Variants in WDR89 observed in about 807,000 individuals in gnomAD.
WDR89 encodes the protein WD repeat-containing protein 89.
A neutral mutation model predicts 29.1 loss-of-function variants in WDR89; 17 were observed. The ratio of observed to expected loss-of-function variants is 0.58; its 90% confidence interval spans 0.40 to 0.88. The LOEUF (loss-of-function observed/expected upper bound fraction) is 0.88, where lower values mean the gene tolerates loss of function less well. Among genes scored for constraint, WDR89 ranks in the 40% least tolerant of loss-of-function variants. The pLI, the probability that WDR89 is intolerant of heterozygous loss-of-function variation, is 0.00. For synonymous variants in WDR89, 138 were observed against 157.8 expected (o/e 0.87, Z 0.94); for missense variants, 396 against 456.3 (o/e 0.87, Z 1.20).
chr14:63,622,794 C>A (rs1417969658), intron 2 of WDR89, among the ~76,000 whole-genome samples: 1 of 152,036 alleles, frequency 6.6e-6, no homozygotes, highest in Non-Finnish European at 1.5e-5. Flanking sequence ...AAATAAAATG[C>A]ATGACAATAA....
At chr14:63,618,681 A>G (rs1311117003) in intron 2 of WDR89, among the ~76,000 whole-genome samples, 1 of 152,172 alleles carries the variant, frequency 6.6e-6, no homozygotes, top group African/African-American at 2.4e-5. Context: ...GAAAAATAGA[A>G]AAGAAAAAAA....
chr14:63,605,324 C>T (rs1050802850), intron 2 of WDR89, among the ~76,000 whole-genome samples: 1 of 151,716 alleles, frequency 6.6e-6, no homozygotes, highest in South Asian at 2.1e-4. Context: ...TGTGGTGATG[C>T]GTGTATAAAC....
In WDR89 at chr14:63,605,152, G is replaced by GTC. The variant is rs746030363; in HGVS notation, c.-31-5181_-31-5180dup. Among the ~76,000 whole-genome samples, 632 of 137,838 alleles carry GTC rather than the reference G, an allele frequency of 4.6e-3. 5 individuals are homozygous for GTC. Among genetic ancestry groups the GTC allele is most frequent in the African/African-American group, 0.014 (459 of 32,174 alleles). 90.4% of individuals were successfully genotyped at this position (137,838 alleles called of 152,430 possible). A position where few individuals can be genotyped will look rare whatever the true frequency, so the allele number is the denominator to read the frequency against. On this transcript the variant is annotated intron_variant, in intron 2 of 2. Coordinates refer to ENST00000620954, the MANE Select transcript of WDR89 (RefSeq NM_080666.4). ...CGACAGAGCAAGACACGTGCTGTCT[G>GTC]TCTCTCTCTCTCTCTATATATATAT...
intron 2 of WDR89, among the ~76,000 whole-genome samples, chr14:63,609,094 G>C (rs1473753525): frequency 6.6e-6 from 1 of 150,574 alleles, no homozygotes. Flanking sequence ...CCTGGCAACA[G>C]AGCAAAACTC....
intron 2 of WDR89, among the ~76,000 whole-genome samples, chr14:63,619,055 A>T (rs919065610): frequency 5.3e-5 from 8 of 152,156 alleles, no homozygotes; most frequent in Non-Finnish European, 1.0e-4. Context: ...AAAATCATGG[A>T]GCGAATGCCT....
chr14:63,627,123 A>AAC (rs756971522), intron 1 of WDR89, among the ~76,000 whole-genome samples: 1,272 of 122,780 alleles, frequency 0.01, 3 homozygotes, highest in African/African-American at 0.016. Flanking sequence ...TTTGTCTCTA[A>AAC]ACACACACAC....
chr14:63,610,051 T>G (rs1881854483), intron 2 of WDR89, among the ~76,000 whole-genome samples: 1 of 150,878 alleles, frequency 6.6e-6, no homozygotes, highest in Admixed American at 6.6e-5. Context: ...AAAACAATCT[T>G]AACAACAAAA....
chr14:63,598,751 C>T lies in WDR89; in HGVS notation c.*28G>A, dbSNP rs377364984. 4 of 1,534,488 alleles carry T rather than the reference C, an allele frequency of 2.6e-6. No individual in the cohort carries two copies. The highest frequency in any genetic ancestry group is 3.5e-6 in the Non-Finnish European group (4 of 1,143,102). On this transcript the variant is annotated 3_prime_UTR_variant, in exon 3 of 3. Transcript: ENST00000620954. ...AGAAGGACTATTTGAAACTATAAAA[C>T]CTACCAAACAAAGTGCCAAATGCAT...
At chr14:63,625,394 A>G (rs1882969751) in intron 1 of WDR89, among the ~76,000 whole-genome samples, 1 of 126,796 alleles carries the variant, frequency 7.9e-6, no homozygotes, top group South Asian at 2.5e-4. Flanking sequence ...GTATTCATCA[A>G]ACTACATACT....
At chr14:63,618,615 C>G (rs1882468679) in intron 2 of WDR89, among the ~76,000 whole-genome samples, 1 of 151,922 alleles carries the variant, frequency 6.6e-6, no homozygotes. Flanking sequence ...AGAATGAAAT[C>G]AGAGGATTGA....
intron 2 of WDR89, among the ~76,000 whole-genome samples, chr14:63,610,749 C>T (rs1426151090): frequency 6.9e-6 from 1 of 145,672 alleles, no homozygotes; most frequent in Non-Finnish European, 1.5e-5. Context: ...GTCACCCAGG[C>T]TGGAGTGCAG....
At chr14:63,629,831 C>T (rs1312400972) in intron 1 of WDR89, among the ~76,000 whole-genome samples, 1 of 152,124 alleles carries the variant, frequency 6.6e-6, no homozygotes, top group Non-Finnish European at 1.5e-5. Context: ...CAGTGTGTTA[C>T]AGGGAATGAC....
At chr14:63,610,702 CTTTTTTT>C (rs1009799974) in intron 2 of WDR89, among the ~76,000 whole-genome samples, 1 of 129,146 alleles carries the variant, frequency 7.7e-6, no homozygotes, top group Non-Finnish European at 1.7e-5. Flanking sequence ...CTTTTCTTTT[CTTTTTTT>C]TTTTTTTTTT....
In WDR89 at chr14:63,625,036, A is replaced by T. The variant is rs1158309537; in HGVS notation, c.-137-3T>A. The T allele has an allele frequency of 1.3e-5, 2 of 152,224 alleles. No individual in the cohort carries two copies. The highest frequency in any genetic ancestry group is 2.9e-5 in the Non-Finnish European group (2 of 68,044). 9.4% of individuals were successfully genotyped at this position (152,224 alleles called of 1,614,324 possible). A position where few individuals can be genotyped will look rare whatever the true frequency, so the allele number is the denominator to read the frequency against. ...TTTTATTTATAATAGCCAAATACCT[A>T]GAAAAAAACAGAAATACGGGTAAGC... On this transcript the variant is annotated splice_polypyrimidine_tract_variant and splice_region_variant and intron_variant, in intron 1 of 2. Coordinates refer to ENST00000620954, the MANE Select transcript of WDR89 (RefSeq NM_080666.4).
intron 1 of WDR89, among the ~76,000 whole-genome samples, chr14:63,634,208 G>A (rs972154420): frequency 3.3e-5 from 5 of 152,244 alleles, no homozygotes; most frequent in Admixed American, 6.5e-5. Flanking sequence ...CCAACATGGC[G>A]AAACCCTGTC....
chr14:63,624,465 C>CA (rs78411191), intron 2 of WDR89, among the ~76,000 whole-genome samples: 1,204 of 57,556 alleles, frequency 0.021, 5 homozygotes, highest in African/African-American at 0.052. Flanking sequence ...GAGACCCTGT[C>CA]AAAAAAAAAA....
At chr14:63,636,189 G>GA (rs1566802595) in intron 1 of WDR89, among the ~76,000 whole-genome samples, 1 of 151,682 alleles carries the variant, frequency 6.6e-6, no homozygotes, top group East Asian at 1.9e-4. Context: ...AAAGAAAGAA[G>GA]AAAAAAAGAA....
In WDR89 at chr14:63,598,143, C is replaced by T. The variant is rs1380222715; in HGVS notation, c.*636G>A. The T allele has an allele frequency of 1.3e-5, 2 of 152,182 alleles. No homozygotes were observed. The highest frequency in any genetic ancestry group is 2.1e-4 in the South Asian group (1 of 4,818). The allele number at this position is 152,182 out of a possible 1,614,324, so 9.4% of individuals were successfully genotyped here. A position where few individuals can be genotyped will look rare whatever the true frequency, so the allele number is the denominator to read the frequency against. ...TTCATTTTTGTATTTCACTTTGAGTCTCAATTTACCAAGATAACTTCCTTT... is the reference window on the plus strand; with the variant it reads ...TTCATTTTTGTATTTCACTTTGAGTTTCAATTTACCAAGATAACTTCCTTT... On this transcript the variant is annotated 3_prime_UTR_variant, in exon 3 of 3. Transcript: ENST00000620954.
intron 1 of WDR89, among the ~76,000 whole-genome samples, chr14:63,635,012 C>CAA (rs763282507): frequency 1.6e-3 from 202 of 128,870 alleles, no homozygotes; most frequent in African/African-American, 4.8e-3. Flanking sequence ...ACTCTGTCTC[C>CAA]AAAAAAAAAA....
Sources: allele counts gnomAD v4.1 joint callset (sites outside exome capture counted in the v4.1 genomes callset), GRCh38; gene constraint gnomAD v4.1.1; transcripts MANE v1.5; gene names NCBI Gene and HGNC (gene_info 2026-07-23, HGNC 2026-07-21).